IL1RAPL2: variants seen among roughly 807,000 people sequenced by gnomAD.
IL1RAPL2 encodes the protein interleukin 1 receptor accessory protein like 2.
A neutral mutation model predicts 44.1 loss-of-function variants in IL1RAPL2; 3 were observed. The observed-to-expected ratio is 0.07, with a 90% CI of 0.03 to 0.18. The LOEUF is 0.18. IL1RAPL2 is among the 10% of genes least tolerant of loss of function. IL1RAPL2 has a pLI of 1.00. For synonymous variants in IL1RAPL2, 181 were observed against 178.8 expected (o/e 1.01, Z -0.10); for missense variants, 391 against 496.4 (o/e 0.79, Z 2.02).
chrX:105,042,287 G>A (rs1238265477), intron 2 of IL1RAPL2, among the ~76,000 whole-genome samples: 13 of 108,997 alleles, frequency 1.2e-4, no homozygotes, highest in African/African-American at 4.3e-4. Flanking sequence ...AGAGTGAACA[G>A]GCAACCTACA....
intron 6 of IL1RAPL2, among the ~76,000 whole-genome samples, chrX:105,645,339 T>C (rs1162448235): frequency 1.8e-5 from 2 of 112,018 alleles, no homozygotes; most frequent in Non-Finnish European, 3.8e-5. Flanking sequence ...TGTCATTTTG[T>C]ATTCCTGGGT....
rs202027089 is a variant in IL1RAPL2 at position 105,342,841 on chromosome X, G to A, written c.697+75300G>A. On this transcript the variant is annotated intron_variant, in intron 5 of 10. Transcript: ENST00000372582. ...TGTTGCAATTAAATTTAACTTGTAA[G>A]TCAGGAGGCCCTGGCAATTTGGTCT... Among the ~76,000 whole-genome samples the A allele has an allele frequency of 4.5e-5, 5 of 111,794 alleles. No individual in the cohort carries two copies. In the East Asian group the frequency reaches 1.4e-3, roughly 31 times the overall value.
intron 6 of IL1RAPL2, among the ~76,000 whole-genome samples, chrX:105,599,033 C>T (rs2037232088): frequency 8.9e-6 from 1 of 112,288 alleles, no homozygotes; most frequent in Non-Finnish European, 1.9e-5. Flanking sequence ...TTAAGTACCA[C>T]TTTGTCAAAA....
chrX:105,739,784 T>A lies in IL1RAPL2; in HGVS notation c.903-762T>A, dbSNP rs764788030. On this transcript the variant is annotated intron_variant, in intron 7 of 10. Transcript: ENST00000372582. The stretch of plus-strand genomic sequence containing the variant: ...TTGGGTTGGTTCCAAGTCTTTGCTA[T>A]TGTGAATAATGCTGCAGTAAACATA... 1.0e-2 allele frequency among the ~76,000 whole-genome samples: 985 copies of A among 98,744 alleles called. 7 individuals are homozygous for A. The highest frequency in any genetic ancestry group is 0.031 in the Middle Eastern group (6 of 194). 85.7% of individuals were successfully genotyped at this position (98,744 alleles called of 115,157 possible).
chrX:105,433,669 T>C (rs918004646), intron 5 of IL1RAPL2, among the ~76,000 whole-genome samples: 7 of 111,203 alleles, frequency 6.3e-5, no homozygotes, highest in African/African-American at 9.8e-5. Context: ...ATTGTCCCCA[T>C]TTTAGAAAGA....
chrX:105,721,431 A>G (rs2038303765), intron 7 of IL1RAPL2, among the ~76,000 whole-genome samples: 1 of 111,508 alleles, frequency 9.0e-6, no homozygotes, highest in Admixed American at 9.5e-5. Context: ...AAAAAAATCA[A>G]AATTAATACA....
At chrX:104,910,885 G>T (rs1378419018) in intron 2 of IL1RAPL2, among the ~76,000 whole-genome samples, 1 of 111,221 alleles carries the variant, frequency 9.0e-6, no homozygotes, top group Non-Finnish European at 1.9e-5. Context: ...TTCTAAGACC[G>T]TATCATGAGG....
chrX:105,672,502 C>T (rs1023776093), intron 6 of IL1RAPL2, among the ~76,000 whole-genome samples: 6 of 112,302 alleles, frequency 5.3e-5, no homozygotes, highest in South Asian at 3.7e-4. Context: ...AGGCCTCCTC[C>T]GACAGAACCC....
chrX:105,152,464 C>T (rs2033235931), intron 2 of IL1RAPL2, among the ~76,000 whole-genome samples: 2 of 112,146 alleles, frequency 1.8e-5, no homozygotes, highest in African/African-American at 6.5e-5. Flanking sequence ...TTAATTGAGA[C>T]ATTTTATGTG....
chrX:104,967,977 A>T (rs1602859129), intron 2 of IL1RAPL2, among the ~76,000 whole-genome samples: 1 of 111,720 alleles, frequency 9.0e-6, no homozygotes, highest in African/African-American at 3.2e-5. Context: ...ACATTCAAGG[A>T]ACAGATCATT....
At position 104,990,651 on chromosome X, in the gene IL1RAPL2, G is replaced by A. The variant is rs778619187; in HGVS notation, c.83-204824G>A. Among the ~76,000 whole-genome samples, 10 of 111,420 alleles carry A rather than the reference G, an allele frequency of 9.0e-5. No individual in the cohort carries two copies. In the East Asian group the frequency reaches 2.6e-3, roughly 29 times the overall value. ...CTTGTAATGCTTTTGAAAACTCTTC[G>A]AAAGCACTAAAACATCAATGGCCTG... On this transcript the variant is annotated intron_variant, in intron 2 of 10. Coordinates refer to ENST00000372582, the MANE Select transcript of IL1RAPL2 (RefSeq NM_017416.2).
intron 2 of IL1RAPL2, among the ~76,000 whole-genome samples, chrX:104,940,775 C>T (rs1925146940): frequency 9.2e-6 from 1 of 108,813 alleles, no homozygotes; most frequent in Non-Finnish European, 1.9e-5. Context: ...ATGTGCACAA[C>T]GTGCAGGTTT....
At chrX:104,821,881 T>C (rs1432210940) in intron 2 of IL1RAPL2, among the ~76,000 whole-genome samples, 2 of 112,120 alleles carry the variant, frequency 1.8e-5, no homozygotes, top group Non-Finnish European at 3.8e-5. Context: ...AGCATTCCTA[T>C]TTCTCCACAC....
intron 5 of IL1RAPL2, among the ~76,000 whole-genome samples, chrX:105,371,734 A>T (rs978720889): frequency 2.7e-5 from 3 of 112,416 alleles, no homozygotes; most frequent in African/African-American, 9.7e-5. Context: ...AGTTACTTTT[A>T]TAGTAAACTG....
intron 2 of IL1RAPL2, among the ~76,000 whole-genome samples, chrX:104,827,611 G>A (rs1422719176): frequency 9.0e-6 from 1 of 110,698 alleles, no homozygotes; most frequent in East Asian, 2.8e-4. Context: ...TCTTGGAGTT[G>A]CTCTTCTCGA....
intron 2 of IL1RAPL2, among the ~76,000 whole-genome samples, chrX:105,088,120 A>G (rs2032500475): frequency 8.9e-6 from 1 of 112,108 alleles, no homozygotes; most frequent in African/African-American, 3.2e-5. Context: ...CCAGAAAAGG[A>G]TACTATGTAA....
intron 7 of IL1RAPL2, among the ~76,000 whole-genome samples, chrX:105,732,304 T>C (rs778146738): frequency 9.0e-6 from 1 of 111,264 alleles, no homozygotes; most frequent in Non-Finnish European, 1.9e-5. Context: ...TCATGTGGAA[T>C]TGTAATCCCC....
At chrX:105,718,554 G>A (rs1242009437) in intron 7 of IL1RAPL2, among the ~76,000 whole-genome samples, 1 of 111,063 alleles carries the variant, frequency 9.0e-6, no homozygotes, top group Non-Finnish European at 1.9e-5. Flanking sequence ...AGTAATCAAG[G>A]AAATGCAAAC....
chrX:105,177,861 C>T (rs1399997675), intron 2 of IL1RAPL2, among the ~76,000 whole-genome samples: 1 of 111,280 alleles, frequency 9.0e-6, no homozygotes, highest in Non-Finnish European at 1.9e-5. Context: ...TGATACATAA[C>T]AACTGTGTGT....
Sources: gnomAD v4.1 joint callset for allele counts (sites outside exome capture counted in the v4.1 genomes callset) on GRCh38, gnomAD v4.1.1 for gene constraint, MANE v1.5 for transcripts, NCBI Gene and HGNC (gene_info 2026-07-23, HGNC 2026-07-21) for gene names.